The following VPS35L variants were observed in gnomAD, a reference collection of about 807,000 sequenced individuals.
VPS35L encodes VPS35 endosomal protein-sorting factor-like.
VPS35L carries 83 observed loss-of-function variants against 133.0 expected under a neutral mutation model. That is an observed-to-expected ratio of 0.62 (90% confidence interval 0.52 to 0.75). The LOEUF is 0.75. VPS35L is among the 30% of genes least tolerant of loss of function. VPS35L has a pLI of 0.00. For synonymous variants in VPS35L, 423 were observed against 449.9 expected, an observed-to-expected ratio of 0.94 and a Z score of 0.76; for missense variants, 1,083 against 1,206.8, an observed-to-expected ratio of 0.90 and a Z score of 1.52.
chr16:19,630,808 C>G (rs1358370559), intron 18 of VPS35L, among the ~76,000 whole-genome samples: 3 of 151,860 alleles, frequency 2.0e-5, no homozygotes, highest in Admixed American at 6.6e-5. Context: ...AGAAGCCCAC[C>G]AGCCTGGCCA....
intron 12 of VPS35L, among the ~76,000 whole-genome samples, chr16:19,610,875 G>C (rs561723954): frequency 6.6e-5 from 10 of 152,292 alleles, no homozygotes; most frequent in Admixed American, 4.6e-4. Context: ...GGTGGCTGCT[G>C]TGAAAGGGGG....
intron 27 of VPS35L, among the ~76,000 whole-genome samples, chr16:19,672,615 G>A (rs1484251567): frequency 6.6e-6 from 1 of 152,180 alleles, no homozygotes; most frequent in Non-Finnish European, 1.5e-5. Context: ...CTGCAGACAT[G>A]GCTTCAGGAT....
At chr16:19,691,579 A>G in intron 29 of VPS35L, 108 bp downstream of exon 29, 1 of 797,618 alleles carries the variant, frequency 1.3e-6, no homozygotes, top group Non-Finnish European at 2.1e-6. Context: ...CATGTGAGTA[A>G]TGTGTTTATG....
In VPS35L at chr16:19,644,889, A is replaced by C; in HGVS notation, c.1869A>C (p.Ala623=). 6.3e-7 allele frequency: 1 copy of C among 1,594,350 alleles called. No individual in the cohort carries two copies. The highest frequency in any genetic ancestry group is 8.6e-7 in the Non-Finnish European group (1 of 1,164,530). ...VCKTMHDSVN[A]LTLEDEKRML... ...TATGTACAATTATTGATTTTAGTGCACTCACTCTTGAGGATGAGAAAAGAA... is the reference window on the plus strand; with the variant it reads ...TATGTACAATTATTGATTTTAGTGCCCTCACTCTTGAGGATGAGAAAAGAA... The change falls in exon 23 of 31, where the codon GCA becomes GCC. Residue 623 remains alanine (A), a synonymous_variant. Coordinates refer to ENST00000417362, the MANE Select transcript of VPS35L (RefSeq NM_020314.7).
chr16:19,642,583 T>C, intron 22 of VPS35L, 107 bp downstream of exon 22: 1 of 885,026 alleles, frequency 1.1e-6, no homozygotes, highest in East Asian at 2.6e-5. Context: ...TAATATTACT[T>C]TATTGGGAGT....
At chr16:19,569,177 A>G (rs1971282285) in intron 2 of VPS35L, 1 of 658,406 alleles carries the variant, frequency 1.5e-6, no homozygotes, top group Non-Finnish European at 2.8e-6. Context: ...ATCTCAGTCC[A>G]GTGACCTCTC....
chr16:19,576,303 C>T (rs1487548926), intron 5 of VPS35L, among the ~76,000 whole-genome samples: 1 of 152,118 alleles, frequency 6.6e-6, no homozygotes, highest in African/African-American at 2.4e-5. Context: ...AGAGCCTTTC[C>T]CTTGCCTTAA....
At chr16:19,589,450 G>A (rs1971972164) in intron 7 of VPS35L, among the ~76,000 whole-genome samples, 1 of 152,016 alleles carries the variant, frequency 6.6e-6, no homozygotes, top group African/African-American at 2.4e-5. Context: ...TCACTACATT[G>A]CCCAAGCTGG....
intron 27 of VPS35L, among the ~76,000 whole-genome samples, chr16:19,673,748 C>G (rs972767770): frequency 6.6e-6 from 1 of 152,170 alleles, no homozygotes; most frequent in Non-Finnish European, 1.5e-5. Context: ...TTAATACTCA[C>G]TTCCTGGGAG....
chr16:19,691,648 C>A (rs1048357074), intron 29 of VPS35L, among the ~76,000 whole-genome samples, 177 bp downstream of exon 29: 3 of 152,180 alleles, frequency 2.0e-5, no homozygotes, highest in Non-Finnish European at 4.4e-5. Context: ...TCTGCCTGGA[C>A]TGCGCCTCCC....
Position 19,606,281 on chromosome 16 carries a change from C to T in VPS35L, c.785-1897C>T, listed in dbSNP as rs115729031. On this transcript the variant is annotated intron_variant, in intron 9 of 30. Transcript: ENST00000417362. ...CTATTTTTGCTTTTGGATTTTAAGC[C>T]ACAAGATTCAGTCATATGAAGGGAA... Among the ~76,000 whole-genome samples, 618 of 152,246 alleles carry T rather than the reference C, an allele frequency of 4.1e-3. 5 individuals are homozygous for T. Among genetic ancestry groups the T allele is most frequent in the African/African-American group, 0.014 (588 of 41,552 alleles).
intron 8 of VPS35L, among the ~76,000 whole-genome samples, chr16:19,598,939 A>G (rs1468314965): frequency 1.3e-5 from 2 of 152,180 alleles, no homozygotes; most frequent in African/African-American, 4.8e-5. Flanking sequence ...TTATGCAGCC[A>G]CCTAGTGTGG....
chr16:19,617,750 A>T (rs1334020804), intron 14 of VPS35L: 1 of 152,460 alleles, frequency 6.6e-6, no homozygotes, highest in Non-Finnish European at 1.5e-5. Flanking sequence ...TAATCCCAGC[A>T]CTTTGGGAGG....
At chr16:19,609,917 G>A (rs1347617414) in intron 11 of VPS35L, among the ~76,000 whole-genome samples, 1 of 152,188 alleles carries the variant, frequency 6.6e-6, no homozygotes, top group Non-Finnish European at 1.5e-5. Context: ...GCCAGCCTGA[G>A]ATTCACGGAA....
intron 8 of VPS35L, among the ~76,000 whole-genome samples, chr16:19,595,586 C>T (rs11649411): frequency 0.3 from 45,679 of 152,024 alleles, 8,109 homozygotes; most frequent in Non-Finnish European, 0.4. Context: ...CTTTCCTGAG[C>T]AAGATTAACT....
chr16:19,645,956 C>CT (rs55832572), intron 23 of VPS35L, among the ~76,000 whole-genome samples: 60,530 of 151,592 alleles, frequency 0.4, 12,739 homozygotes, highest in African/African-American at 0.52. Flanking sequence ...AATAACAGGG[C>CT]TTTTTTTTGC....
chr16:19,677,087 A>G (rs1975089829), intron 27 of VPS35L, among the ~76,000 whole-genome samples: 1 of 146,494 alleles, frequency 6.8e-6, no homozygotes, highest in Non-Finnish European at 1.5e-5. Flanking sequence ...TTTTTTTGAG[A>G]TGGAGTCATG....
intron 7 of VPS35L, among the ~76,000 whole-genome samples, chr16:19,582,395 G>A (rs78527522): frequency 0.046 from 7,054 of 152,256 alleles, 329 homozygotes; most frequent in East Asian, 0.2. Flanking sequence ...TTATGATAAT[G>A]TGACATTTGT....
At chr16:19,601,954 C>T (rs1451373181) in intron 9 of VPS35L, among the ~76,000 whole-genome samples, 2 of 152,126 alleles carry the variant, frequency 1.3e-5, no homozygotes, top group South Asian at 2.1e-4. Context: ...GCAAAGGCCT[C>T]ACAGTTAGAT....
Sources: allele counts gnomAD v4.1 joint callset (sites outside exome capture counted in the v4.1 genomes callset), GRCh38; gene constraint gnomAD v4.1.1; transcripts MANE v1.5; gene names NCBI Gene and HGNC (gene_info 2026-07-23, HGNC 2026-07-21).